The following PNPLA7 variants were observed in gnomAD, a reference collection of about 807,000 sequenced individuals.
The protein encoded by PNPLA7 is patatin-like phospholipase domain-containing protein 7.
A neutral mutation model predicts 161.7 loss-of-function variants in PNPLA7; 153 were observed. The ratio of observed to expected loss-of-function variants is 0.95; its 90% CI spans 0.83 to 1.08. The LOEUF (loss-of-function observed/expected upper bound fraction) is 1.08, where lower values mean the gene tolerates loss of function less well. Ranked by LOEUF, PNPLA7 falls within the 50% of genes least tolerant of loss-of-function variation. The pLI, the probability that PNPLA7 is intolerant of heterozygous loss-of-function variation, is 0.00. For missense variants in PNPLA7, 1,739 were observed against 1,856.6 expected, an observed-to-expected ratio of 0.94 and a Z score of 1.16; for synonymous variants, 809 against 782.1, an observed-to-expected ratio of 1.03 and a Z score of -0.57.
At chr9:137,478,212 C>A (rs1447201059) in intron 24 of PNPLA7, 60 bp from the exon 25 acceptor site, 1 of 1,197,830 alleles carries the variant, frequency 8.3e-7, no homozygotes. Context: ...CGAGACCTCG[C>A]ATCCTGGCTT....
At position 137,501,707 on chromosome 9, in the gene PNPLA7, G is replaced by T. The variant is rs547243021; in HGVS notation, c.1494C>A (p.Gly498=). Residue 498 remains glycine, a synonymous_variant, in exon 15 of 35, where the codon GGC becomes GGA. Coordinates refer to ENST00000406427, the MANE Select transcript of PNPLA7 (RefSeq NM_001098537.3). ...MKLEDSSLLD[G]RVALLHVPAG... is the part of the protein sequence containing the mutation. ...CAGGAACGTGCAGAAGCGCCACCCGGCCATCCAACAGAGATGAGTCCTAAA... is the reference window on the plus strand; with the variant it reads ...CAGGAACGTGCAGAAGCGCCACCCGTCCATCCAACAGAGATGAGTCCTAAA... 5 of 1,612,586 alleles carry T rather than the reference G, an allele frequency of 3.1e-6. No individual in the cohort carries two copies. In the African/African-American group the frequency reaches 6.7e-5, roughly 21 times the overall value.
At position 137,495,123 on chromosome 9, in the gene PNPLA7, G is replaced by A; in HGVS notation, c.2037C>T (p.Ala679=). The A allele has an allele frequency of 6.2e-7, 1 of 1,604,722 alleles. No homozygotes were observed. Among genetic ancestry groups the A allele is most frequent in the Non-Finnish European group, 8.5e-7 (1 of 1,178,672 alleles). ...VGVVETLTHQ[A]RATTVHAVRD... ...GAACGGCATGCACCGTGGTCGCCCGGGCCTGGTGGGTCAGTGTCTCCACCT... is the reference window on the plus strand; with the variant it reads ...GAACGGCATGCACCGTGGTCGCCCGAGCCTGGTGGGTCAGTGTCTCCACCT... Residue 679 remains alanine (A), a synonymous_variant, in exon 19 of 35, where the codon GCC becomes GCT. Coordinates refer to ENST00000406427, the MANE Select transcript of PNPLA7 (RefSeq NM_001098537.3).
Position 137,537,531 on chromosome 9 carries a change from G to A in PNPLA7, c.747+3111C>T, listed in dbSNP as rs536963749. On this transcript the variant is annotated intron_variant, in intron 8 of 34. Coordinates refer to ENST00000406427, the MANE Select transcript of PNPLA7 (RefSeq NM_001098537.3). The surrounding 1 kb of genome is among the most constrained non-coding windows in gnomAD (Gnocchi z 4.5). ...TGGGTTTCACCATGTTGGCCAGGAT[G>A]GTCTCGATCTCCTGACCTCGTGATC... Among the ~76,000 whole-genome samples the A allele has an allele frequency of 2.7e-4, 41 of 152,150 alleles. No homozygotes were observed. The highest frequency in any genetic ancestry group is 5.0e-4 in the Non-Finnish European group (34 of 68,038).
At chr9:137,546,451 C>G (rs938386181) in intron 4 of PNPLA7, among the ~76,000 whole-genome samples, 15 of 152,258 alleles carry the variant, frequency 9.9e-5, no homozygotes, top group Admixed American at 2.0e-4. Flanking sequence ...TTTCTACACT[C>G]TCTCGTCTCC....
At chr9:137,545,903 C>G (rs1477338069) in intron 4 of PNPLA7, among the ~76,000 whole-genome samples, 1 of 152,138 alleles carries the variant, frequency 6.6e-6, no homozygotes, top group Non-Finnish European at 1.5e-5. Context: ...AGGAAAAACA[C>G]CTGCTACTTA....
chr9:137,465,070 G>C (rs571636344), intron 26 of PNPLA7, among the ~76,000 whole-genome samples: 1 of 152,210 alleles, frequency 6.6e-6, no homozygotes, highest in Non-Finnish European at 1.5e-5. Flanking sequence ...TGGATGGAGA[G>C]GAAGGGTCTT....
chr9:137,545,453 T>C (rs1220990760), intron 4 of PNPLA7, among the ~76,000 whole-genome samples: 1 of 152,206 alleles, frequency 6.6e-6, no homozygotes, highest in East Asian at 1.9e-4. Context: ...GTGATGTTCC[T>C]AGAAAGCAGC....
Position 137,491,891 on chromosome 9 carries a change from G to C in PNPLA7, c.2197+1122C>G, listed in dbSNP as rs1005167802. The C allele has an allele frequency of 2.9e-5, 29 of 985,332 alleles. No homozygotes were observed. The African/African-American group carries it at 4.5e-4, about 15-fold the overall frequency. 61.0% of individuals were successfully genotyped at this position (985,332 alleles called of 1,614,324 possible). ...AGAGAAGAAAAAGGAAGCGGAAAGGGAGCTGAGAGTGCTGGGCGGATGGGG... is the reference window on the plus strand; with the variant it reads ...AGAGAAGAAAAAGGAAGCGGAAAGGCAGCTGAGAGTGCTGGGCGGATGGGG... On this transcript the variant is annotated intron_variant, in intron 20 of 34. Transcript: ENST00000406427.
At position 137,500,650 on chromosome 9, in the gene PNPLA7, G is replaced by A; in HGVS notation, c.1757+41C>T. The A allele has an allele frequency of 1.9e-6, 3 of 1,591,256 alleles. No homozygotes were observed. The highest frequency in any genetic ancestry group is 2.6e-6 in the Non-Finnish European group (3 of 1,164,434). ...GCGGGGAGGGGTCTCAGGGCAGGGG[G>A]GGCTGGGGCCCGCCCTGAGGTCCTG... On this transcript the variant is annotated intron_variant, in intron 16 of 34. Transcript: ENST00000406427. The surrounding 1 kb of genome is among the most constrained non-coding windows in gnomAD (Gnocchi z 5.5).
At chr9:137,522,911 G>A (rs1240742782) in intron 8 of PNPLA7, 54 bp from the exon 9 acceptor site, 6 of 1,598,128 alleles carry the variant, frequency 3.8e-6, no homozygotes, top group Non-Finnish European at 4.3e-6. Flanking sequence ...AACCCCCCAG[G>A]GAATGCCAAG....
intron 4 of PNPLA7, among the ~76,000 whole-genome samples, chr9:137,545,243 C>T (rs1588719579): frequency 3.9e-5 from 6 of 152,212 alleles, no homozygotes; most frequent in Admixed American, 3.9e-4. Context: ...TCCGGAACCA[C>T]CCAGACATTC....
chr9:137,528,261 T>C (rs1835399727), intron 8 of PNPLA7, among the ~76,000 whole-genome samples: 1 of 152,212 alleles, frequency 6.6e-6, no homozygotes, highest in African/African-American at 2.4e-5. Context: ...TCTTTATTAG[T>C]TTCTTCCATC....
At chr9:137,474,713 C>T (rs956410594) in intron 25 of PNPLA7, among the ~76,000 whole-genome samples, 8 of 151,918 alleles carry the variant, frequency 5.3e-5, no homozygotes, top group Non-Finnish European at 1.0e-4. Flanking sequence ...CAAATCTGAC[C>T]ATCAGAAGCT....
Position 137,461,957 on chromosome 9 carries a change from C to G in PNPLA7, c.3730G>C (p.Gly1244Arg). ...GCACTCGCGGGCTTCTTGCTCGGCCCCTGCTGGTCGCGGAGCATCTTCTCC... is the reference window on the plus strand; with the variant it reads ...GCACTCGCGGGCTTCTTGCTCGGCCGCTGCTGGTCGCGGAGCATCTTCTCC... ...VLEKMLRDQQ[G>R]PSKKPASAVL... The change falls in exon 32 of 35, where the codon GGG (glycine) becomes CGG (arginine). Residue 1244 changes from glycine (G) to arginine (R), a missense_variant. Physicochemically the swap from Gly to Arg is moderately radical, Grantham distance 125. Around this residue, in one of 6 missense-constraint regions of PNPLA7, gnomAD observed 703 missense variants for 694.6 expected, o/e 1.01. Coordinates refer to ENST00000406427, the MANE Select transcript of PNPLA7 (RefSeq NM_001098537.3). 3.1e-6 allele frequency: 5 copies of G among 1,592,100 alleles called. No homozygotes were observed. The highest frequency in any genetic ancestry group is 4.3e-6 in the Non-Finnish European group (5 of 1,173,354).
rs1564333258 is a variant in PNPLA7, at chr9:137,509,501, GTGAGTGAGTTTAGCTGGCA to G, written c.1226-3437_1226-3419del. The stretch of plus-strand genomic sequence containing the variant: ...GCTGGTACGAGTGAGTTTAGCCGGC[GTGAGTGAGTTTAGCTGGCA>G]TGAGTGAGTTTAGCTGGTACGAATG... On this transcript the variant is annotated intron_variant, in intron 12 of 34. Coordinates refer to ENST00000406427, the MANE Select transcript of PNPLA7 (RefSeq NM_001098537.3). 4 of 236,410 alleles carry G rather than the reference GTGAGTGAGTTTAGCTGGCA, an allele frequency of 1.7e-5. No homozygotes were observed. The East Asian group carries it at 4.4e-4, about 26-fold the overall frequency. 14.6% of individuals were successfully genotyped at this position (236,410 alleles called of 1,614,324 possible).
intron 8 of PNPLA7, among the ~76,000 whole-genome samples, chr9:137,525,551 G>A (rs1835257727): frequency 6.6e-6 from 1 of 152,178 alleles, no homozygotes; most frequent in Non-Finnish European, 1.5e-5. Flanking sequence ...AGAGAATGGG[G>A]ACAGCTTATG....
In PNPLA7 at chr9:137,462,828, C is replaced by A. The variant is rs1234706517; in HGVS notation, c.3349G>T (p.Val1117Leu). Residue 1117 changes from valine to leucine, a missense_variant, in exon 30 of 35, where the codon GTG becomes TTG. By Grantham distance (32) the Val-to-Leu change is conservative. Coordinates refer to ENST00000406427, the MANE Select transcript of PNPLA7 (RefSeq NM_001098537.3). The stretch of plus-strand genomic sequence containing the variant: ...ACTTTTGCCCCCATGGACCGGGCCA[C>A]ATCCGCTAGGGAGAAGCCAGCCCTG... Reference protein sequence around the residue: ...GGYINNLPADVARSMGAKVVI... With the variant: ...GGYINNLPADLARSMGAKVVI... 6.2e-7 allele frequency: 1 copy of A among 1,613,684 alleles called. No homozygotes were observed. The highest frequency in any genetic ancestry group is 1.3e-5 in the African/African-American group (1 of 74,928).
rs766414534 is a variant in PNPLA7 at position 137,497,195 on chromosome 9, C to T, written c.2005G>A (p.Val669Ile). The T allele has an allele frequency of 1.6e-5, 25 of 1,581,602 alleles. No homozygotes were observed. Among genetic ancestry groups the T allele is most frequent in the East Asian group, 2.4e-5 (1 of 42,490 alleles). Residue 669 changes from valine to isoleucine, a missense_variant, in exon 18 of 35, where the codon GTC becomes ATC. Physicochemically the swap from Val to Ile is conservative, Grantham distance 29. Coordinates refer to ENST00000406427, the MANE Select transcript of PNPLA7 (RefSeq NM_001098537.3). ...LAGEYGRGDLVGVVETLTHQA... is the reference protein window; with the variant it reads ...LAGEYGRGDLIGVVETLTHQA... ...CAGGGCCCAGCACCTACCACGCCGACGAGGTCTCCTCGGCCGTACTCCCCG... is the reference window on the plus strand; with the variant it reads ...CAGGGCCCAGCACCTACCACGCCGATGAGGTCTCCTCGGCCGTACTCCCCG...
chr9:137,504,023 A>AAGG (rs1381325919), intron 14 of PNPLA7, among the ~76,000 whole-genome samples: 16 of 102,954 alleles, frequency 1.6e-4, no homozygotes, highest in Non-Finnish European at 3.0e-4. Flanking sequence ...GAAGAAGAAG[A>AAGG]AGGAGGAGGA....
Sources: gnomAD v4.1 joint callset for allele counts (sites outside exome capture counted in the v4.1 genomes callset) on GRCh38, gnomAD v4.1.1 for gene constraint, gnomAD v4.1.1 regional missense constraint, Gnocchi (gnomAD v3.1) non-coding constraint, MANE v1.5 for transcripts, NCBI Gene and HGNC (gene_info 2026-07-23, HGNC 2026-07-21) for gene names.